The following PTP4A1 variants were observed in gnomAD, a reference collection of about 807,000 sequenced individuals.
PTP4A1 encodes the protein protein tyrosine phosphatase 4A1.
PTP4A1 carries 9 observed loss-of-function variants against 20.5 expected under a neutral mutation model. The observed-to-expected ratio is 0.44, with a 90% confidence interval of 0.26 to 0.77. The LOEUF (loss-of-function observed/expected upper bound fraction) is 0.77. Among genes scored for constraint, PTP4A1 ranks in the 30% least tolerant of loss-of-function variants. PTP4A1 has a pLI of 0.19. For missense variants in PTP4A1, 137 were observed against 218.8 expected (o/e 0.63, Z 2.36); for synonymous variants, 78 against 67.4 (o/e 1.16, Z -0.77).
chr6:63,520,155 T>A (rs2149470284), upstream of PTP4A1, among the ~76,000 whole-genome samples: 1 of 152,342 alleles, frequency 6.6e-6, no homozygotes, highest in African/African-American at 2.4e-5. Context: ...GATACTTTTC[T>A]CTCCTCTGTA....
intron 2 of PTP4A1, chr6:63,548,789 A>G (rs1239023376): frequency 8.3e-6 from 6 of 726,780 alleles, no homozygotes; most frequent in Non-Finnish European, 1.5e-5. Context: ...GACCCAGGAC[A>G]TTGCCTCCCC....
chr6:63,544,242 T>C (rs1430299550), intron 2 of PTP4A1, among the ~76,000 whole-genome samples: 1 of 152,148 alleles, frequency 6.6e-6, no homozygotes, highest in Non-Finnish European at 1.5e-5. Context: ...GCAAGAAAAA[T>C]ATAAAGAATT....
intron 3 of PTP4A1, among the ~76,000 whole-genome samples, chr6:63,562,030 A>C (rs1776980333): frequency 6.6e-6 from 1 of 152,210 alleles, no homozygotes; most frequent in African/African-American, 2.4e-5. Context: ...AGGAAGTTAT[A>C]AATAAAAAAT....
At chr6:63,578,299 A>G in intron 2 of PTP4A1, 138 bp from the exon 3 acceptor site, 1 of 1,120,566 alleles carries the variant, frequency 8.9e-7, no homozygotes, top group Non-Finnish European at 1.2e-6. Context: ...TGTGTTAAAC[A>G]TAAATGGATT....
At chr6:63,579,743 A>G (rs1488586237) in intron 5 of PTP4A1, among the ~76,000 whole-genome samples, 2 of 152,194 alleles carry the variant, frequency 1.3e-5, no homozygotes, top group African/African-American at 2.4e-5. Flanking sequence ...TTTTGTAGTC[A>G]TCTTCCCTGC....
At chr6:63,525,265 C>G (rs1407112233) in intron 1 of PTP4A1, among the ~76,000 whole-genome samples, 1 of 152,190 alleles carries the variant, frequency 6.6e-6, no homozygotes, top group African/African-American at 2.4e-5. Flanking sequence ...CAAACCCGCT[C>G]TTCCATATTT....
In PTP4A1 at chr6:63,582,073, T is replaced by TGGATTTTAGACAGGGCAA. The variant is rs1778272829; in HGVS notation, c.*1900_*1917dup. Reference sequence around the variant, plus strand: ...CAGTTTAACACTTAATATATTTCATTGGATTTTAGACAGGGCAAAAGGAAG... The same window carrying TGGATTTTAGACAGGGCAA: ...CAGTTTAACACTTAATATATTTCATTGGATTTTAGACAGGGCAAGGATTTTAGACAGGGCAAAAGGAAG... On this transcript the variant is annotated 3_prime_UTR_variant, in exon 6 of 6. Transcript: ENST00000626021. 6.6e-6 allele frequency: 1 copy of TGGATTTTAGACAGGGCAA among 152,174 alleles called. No individual in the cohort carries two copies. The highest frequency in any genetic ancestry group is 6.5e-5 in the Admixed American group (1 of 15,282). 9.4% of individuals were successfully genotyped at this position (152,174 alleles called of 1,614,324 possible).
intron 2 of PTP4A1, among the ~76,000 whole-genome samples, chr6:63,547,120 A>G (rs1776225567): frequency 6.6e-6 from 1 of 152,050 alleles, no homozygotes; most frequent in Admixed American, 6.6e-5. Flanking sequence ...CTCAGATATA[A>G]TAAGATTAAT....
At position 63,523,148 on chromosome 6, in the gene PTP4A1, G is replaced by A. The variant is rs147009291; in HGVS notation, c.-906+1322G>A. On this transcript the variant is annotated intron_variant, in intron 1 of 3. Transcript: ENST00000639568. Reference sequence around the variant, plus strand: ...CCTAAAGTGTTGAAATTACAGGCACGAGCCATAGTACCCAGCCGAATCACT... The same window carrying A: ...CCTAAAGTGTTGAAATTACAGGCACAAGCCATAGTACCCAGCCGAATCACT... 1.6e-3 allele frequency among the ~76,000 whole-genome samples: 242 copies of A among 151,972 alleles called. 2 individuals carry two copies. The highest frequency in any genetic ancestry group is 6.8e-3 in the Middle Eastern group (2 of 294).
intron 1 of PTP4A1, among the ~76,000 whole-genome samples, chr6:63,525,702 T>C (rs1338279353): frequency 6.6e-6 from 1 of 152,180 alleles, no homozygotes; most frequent in South Asian, 2.1e-4. Context: ...CCTTTCACCT[T>C]TCCCCCCAGG....
chr6:63,526,948 C>G (rs928999890), intron 1 of PTP4A1, among the ~76,000 whole-genome samples: 9 of 151,662 alleles, frequency 5.9e-5, no homozygotes, highest in African/African-American at 2.2e-4. Flanking sequence ...ATGTTATGCA[C>G]TTCTTCAAAA....
chr6:63,519,558 C>T (rs766649895), upstream of PTP4A1, among the ~76,000 whole-genome samples: 6 of 152,154 alleles, frequency 3.9e-5, no homozygotes, highest in Non-Finnish European at 8.8e-5. Flanking sequence ...GGTAAAGACA[C>T]CACATATGCC....
upstream of PTP4A1, among the ~76,000 whole-genome samples, chr6:63,521,191 G>A (rs947878767): frequency 1.3e-5 from 2 of 151,494 alleles, no homozygotes; most frequent in Non-Finnish European, 2.9e-5. Flanking sequence ...TAACAAACCT[G>A]AGCATTCAGC....
intron 2 of PTP4A1, among the ~76,000 whole-genome samples, chr6:63,548,392 G>A (rs559637471): frequency 6.6e-6 from 1 of 152,276 alleles, no homozygotes; most frequent in Non-Finnish European, 1.5e-5. Context: ...GCTTAGAACG[G>A]CACTAGGCAA....
intron 1 of PTP4A1, among the ~76,000 whole-genome samples, chr6:63,524,164 G>A (rs1581906916): frequency 6.6e-6 from 1 of 151,952 alleles, no homozygotes; most frequent in Non-Finnish European, 1.5e-5. Context: ...TTTGTGTTTT[G>A]AGTAGAGATG....
upstream of PTP4A1, among the ~76,000 whole-genome samples, chr6:63,567,527 T>C (rs929215946): frequency 6.6e-6 from 1 of 152,240 alleles, no homozygotes; most frequent in African/African-American, 2.4e-5. Context: ...TAGTGAGCCA[T>C]GCTAAACAGA....
chr6:63,527,501 T>C (rs536371080), intron 1 of PTP4A1, among the ~76,000 whole-genome samples: 3 of 152,286 alleles, frequency 2.0e-5, no homozygotes, highest in African/African-American at 7.2e-5. Context: ...ATGTAGAGGG[T>C]ATAAATAATA....
At chr6:63,549,483 C>A (rs1776343383) in intron 2 of PTP4A1, 10 of 785,612 alleles carry the variant, frequency 1.3e-5, no homozygotes, top group Non-Finnish European at 2.2e-5. Context: ...CACCTTCTTT[C>A]CCTTGGCCTT....
At chr6:63,578,599 A>G in intron 3 of PTP4A1, 70 bp downstream of exon 3, 1 of 1,537,212 alleles carries the variant, frequency 6.5e-7, no homozygotes, top group Non-Finnish European at 8.7e-7. Flanking sequence ...AGTAAATTCA[A>G]ATAAATATCT....
Sources: allele counts gnomAD v4.1 joint callset (sites outside exome capture counted in the v4.1 genomes callset), GRCh38; gene constraint gnomAD v4.1.1; transcripts MANE v1.5; gene names NCBI Gene and HGNC (gene_info 2026-07-23, HGNC 2026-07-21).